TMEM67: variants seen among roughly 807,000 people sequenced by gnomAD.
The protein encoded by TMEM67 is meckelin.
In TMEM67, 124 loss-of-function variants were observed where a neutral mutation model predicts 136.6. The observed-to-expected ratio is 0.91, with a 90% CI of 0.78 to 1.05. TMEM67 has a LOEUF of 1.05. TMEM67 is among the 50% of genes least tolerant of loss of function. The pLI, the probability that TMEM67 is intolerant of heterozygous loss-of-function variation, is 0.00. For synonymous variants in TMEM67, 364 were observed against 390.5 expected (o/e 0.93, Z 0.80); for missense variants, 1,107 against 1,178.4 (o/e 0.94, Z 0.89).
intron 6 of TMEM67, among the ~76,000 whole-genome samples, chr8:93,772,219 A>G (rs1383058677): frequency 6.6e-6 from 1 of 152,054 alleles, no homozygotes; most frequent in East Asian, 1.9e-4. Flanking sequence ...AATTTTTTTT[A>G]TTGCTTGCCA....
chr8:93,800,427 A>T (rs757482036), intron 21 of TMEM67, among the ~76,000 whole-genome samples: 2 of 152,162 alleles, frequency 1.3e-5, no homozygotes, highest in Non-Finnish European at 2.9e-5. Context: ...TTCTGTATAG[A>T]TGGGTTCCAG....
At chr8:93,777,355 G>T (rs899707468) in intron 7 of TMEM67, among the ~76,000 whole-genome samples, 1 of 151,994 alleles carries the variant, frequency 6.6e-6, no homozygotes, top group Non-Finnish European at 1.5e-5. Flanking sequence ...ATCTCTTTCA[G>T]TTCTCCTCTG....
chr8:93,755,750 G>A (rs1362505948), intron 1 of TMEM67, 28 bp from the exon 2 acceptor site: 2 of 1,001,052 alleles, frequency 2.0e-6, no homozygotes, highest in Admixed American at 2.5e-5. Flanking sequence ...GATAAAATTG[G>A]CTTTTTTTTT....
At chr8:93,760,381 G>C (rs1373113685) in intron 3 of TMEM67, among the ~76,000 whole-genome samples, 1 of 152,174 alleles carries the variant, frequency 6.6e-6, no homozygotes, top group Non-Finnish European at 1.5e-5. Context: ...TGTGAAAAAA[G>C]TGGCATTTCA....
intron 21 of TMEM67, among the ~76,000 whole-genome samples, chr8:93,802,749 A>G (rs1278664164): frequency 6.6e-6 from 1 of 152,240 alleles, no homozygotes; most frequent in Non-Finnish European, 1.5e-5. Flanking sequence ...CATCCTTTAA[A>G]GAGGTTTAAA....
chr8:93,806,973 G>A (rs1366739538), intron 23 of TMEM67, among the ~76,000 whole-genome samples: 1 of 152,014 alleles, frequency 6.6e-6, no homozygotes, highest in East Asian at 1.9e-4. Context: ...TGAAAGTTAT[G>A]CAAATCAAGA....
At chr8:93,780,550 G>C in intron 7 of TMEM67, 43 bp from the exon 8 acceptor site, 1 of 1,612,746 alleles carries the variant, frequency 6.2e-7, no homozygotes. Context: ...TGCATAGACT[G>C]TTCAGGTTCA....
At chr8:93,786,859 A>G (rs1814134572) in intron 13 of TMEM67, among the ~76,000 whole-genome samples, 1 of 152,198 alleles carries the variant, frequency 6.6e-6, no homozygotes, top group African/African-American at 2.4e-5. Context: ...CTTTCCCACT[A>G]TAATATTTTA....
Position 93,782,292 on chromosome 8 carries a change from T to C in TMEM67, c.1066-103T>C, listed in dbSNP as rs963289275. 6.2e-6 allele frequency: 5 copies of C among 808,336 alleles called. No homozygotes were observed. The African/African-American group carries it at 8.6e-5, about 14-fold the overall frequency. The allele number at this position is 808,336 out of a possible 1,614,324, so 50.1% of individuals were successfully genotyped here. A position where few individuals can be genotyped will look rare whatever the true frequency, so the allele number is the denominator to read the frequency against. Reference sequence around the variant, plus strand: ...CTTTTCATATCCTTGATACATTAAATAAGTATTATGTAGAGCATATATCCA... The same window carrying C: ...CTTTTCATATCCTTGATACATTAAACAAGTATTATGTAGAGCATATATCCA... On this transcript the variant is annotated intron_variant, in intron 10 of 27. Coordinates refer to ENST00000453321, the MANE Select transcript of TMEM67 (RefSeq NM_153704.6).
chr8:93,792,704 T>C (rs1230505545), intron 15 of TMEM67, among the ~76,000 whole-genome samples: 3 of 151,894 alleles, frequency 2.0e-5, no homozygotes, highest in African/African-American at 7.2e-5. Flanking sequence ...TATTATTATT[T>C]GTTTTCTTGT....
In TMEM67 at chr8:93,784,015, G is replaced by A. The variant is rs140252372; in HGVS notation, c.1132-1207G>A. The stretch of plus-strand genomic sequence containing the variant: ...AAAGTACATCTTGATAAAGTTCCAC[G>A]CACAACCATAGAACAAAACCATAAC... On this transcript the variant is annotated intron_variant, in intron 11 of 27. Transcript: ENST00000453321. Among the ~76,000 whole-genome samples, 131 of 152,282 alleles carry A rather than the reference G, an allele frequency of 8.6e-4. 1 individual carries two copies. The Middle Eastern group carries it at 0.01, about 12-fold the overall frequency.
chr8:93,785,429 A>T (rs1185228546), intron 12 of TMEM67, 51 bp downstream of exon 12: 1 of 1,541,328 alleles, frequency 6.5e-7, no homozygotes, highest in Admixed American at 1.7e-5. Flanking sequence ...ATCAACAAAT[A>T]AGTTAACCTA....
chr8:93,780,062 C>T (rs1353603758), intron 7 of TMEM67, among the ~76,000 whole-genome samples: 1 of 152,130 alleles, frequency 6.6e-6, no homozygotes, highest in Non-Finnish European at 1.5e-5. Context: ...CTTTGTTTTC[C>T]TACTCAAGCC....
intron 13 of TMEM67, 107 bp downstream of exon 13, chr8:93,786,453 G>A (rs919334904): frequency 8.3e-6 from 11 of 1,332,942 alleles, no homozygotes; most frequent in Non-Finnish European, 1.1e-5. Flanking sequence ...GGAACAGTTG[G>A]TCGGGTTATT....
At chr8:93,796,072 C>A in intron 18 of TMEM67, 85 bp downstream of exon 18, 1 of 927,692 alleles carries the variant, frequency 1.1e-6, no homozygotes, top group South Asian at 1.4e-5. Flanking sequence ...TTTCAAAAAT[C>A]TTTGGCGTGA....
At chr8:93,764,049 C>A (rs1030403337) in intron 4 of TMEM67, 108 bp downstream of exon 4, 1 of 782,696 alleles carries the variant, frequency 1.3e-6, no homozygotes, top group Non-Finnish European at 2.2e-6. Context: ...TCACAATAAC[C>A]CAAGGAAGGA....
intron 17 of TMEM67, 89 bp from the exon 18 acceptor site, chr8:93,795,812 A>C (rs1428957487): frequency 8.9e-6 from 9 of 1,014,324 alleles, no homozygotes; most frequent in South Asian, 2.9e-5. Context: ...CTCCTTTCCC[A>C]AAAAAAAACA....
At position 93,780,845 on chromosome 8, in the gene TMEM67, A is replaced by G. The variant is rs116802062; in HGVS notation, c.870-29A>G. The G allele has an allele frequency of 3.2e-3, 5,185 of 1,595,426 alleles. 153 individuals carry two copies. In the African/African-American group the frequency reaches 0.063, roughly 19 times the overall value. ...TAATAATAAGAAATATTTATTCTCC[A>G]TTATTAAAACAGTTGTAACTGTTTA... On this transcript the variant is annotated intron_variant, in intron 8 of 27. Coordinates refer to ENST00000453321, the MANE Select transcript of TMEM67 (RefSeq NM_153704.6).
intron 18 of TMEM67, among the ~76,000 whole-genome samples, chr8:93,796,676 A>C (rs1218043388): frequency 6.6e-6 from 1 of 152,232 alleles, no homozygotes; most frequent in Non-Finnish European, 1.5e-5. Context: ...AAAAATCAGA[A>C]ATCTGAATAG....
Sources: allele counts gnomAD v4.1 joint callset (sites outside exome capture counted in the v4.1 genomes callset), GRCh38; gene constraint gnomAD v4.1.1; transcripts MANE v1.5; gene names NCBI Gene and HGNC (gene_info 2026-07-23, HGNC 2026-07-21).